Variants in PCCA observed in about 807,000 individuals in gnomAD.
PCCA encodes propionyl-CoA carboxylase subunit alpha.
PCCA carries 74 observed loss-of-function variants against 101.3 expected under a neutral mutation model. The observed-to-expected ratio is 0.73, with a 90% CI of 0.61 to 0.89. PCCA has a LOEUF of 0.89. Ranked by LOEUF, PCCA falls within the 40% of genes least tolerant of loss-of-function variation. PCCA has a pLI of 0.00. For synonymous variants in PCCA, 294 were observed against 313.6 expected, an observed-to-expected ratio of 0.94 and a Z score of 0.66; for missense variants, 891 against 907.0, an observed-to-expected ratio of 0.98 and a Z score of 0.23.
intron 4 of PCCA, among the ~76,000 whole-genome samples, chr13:100,140,823 TGTGGG>T (rs1262838321): frequency 6.6e-6 from 1 of 152,100 alleles, no homozygotes; most frequent in African/African-American, 2.4e-5. Flanking sequence ...AGAAAACAAA[TGTGGG>T]AAGGAATTAG....
At chr13:100,226,369 A>G (rs541030582) in intron 7 of PCCA, among the ~76,000 whole-genome samples, 24 of 152,266 alleles carry the variant, frequency 1.6e-4, no homozygotes, top group Admixed American at 1.6e-3. Context: ...TTTCATATGA[A>G]TGGGTAGCAG....
chr13:100,089,245 CGCGGGTCCGGGCTTCA>C lies in PCCA; in HGVS notation c.105+21_105+36del. ...CTGAAGGTGAGGAGCAACGGGGCCTCGCGGGTCCGGGCTTCACTGGGCTTCTAGCCGTGCCGCCTCT... is the reference window on the plus strand; with the variant it reads ...CTGAAGGTGAGGAGCAACGGGGCCTCCTGGGCTTCTAGCCGTGCCGCCTCT... On this transcript the variant is annotated intron_variant, in intron 1 of 23. Transcript: ENST00000376285. 6.7e-7 allele frequency: 1 copy of C among 1,481,838 alleles called. No homozygotes were observed. Among genetic ancestry groups the C allele is most frequent in the Non-Finnish European group, 9.0e-7 (1 of 1,114,162 alleles). The allele number at this position is 1,481,838 out of a possible 1,614,324, so 91.8% of individuals were successfully genotyped here. A position where few individuals can be genotyped will look rare whatever the true frequency, so the allele number is the denominator to read the frequency against.
chr13:100,503,749 T>A (rs111685782), intron 21 of PCCA, among the ~76,000 whole-genome samples: 1,828 of 151,438 alleles, frequency 0.012, 36 homozygotes, highest in African/African-American at 0.041. Context: ...ACAAAAAATT[T>A]AAAAAAAAAT....
At chr13:100,192,228 A>G (rs989412315) in intron 6 of PCCA, among the ~76,000 whole-genome samples, 2 of 152,190 alleles carry the variant, frequency 1.3e-5, no homozygotes, top group African/African-American at 4.8e-5. Flanking sequence ...AATTGCCATT[A>G]GTTTCCCAGA....
chr13:100,448,159 C>T (rs544133416), intron 20 of PCCA, among the ~76,000 whole-genome samples: 3 of 152,230 alleles, frequency 2.0e-5, no homozygotes, highest in East Asian at 1.9e-4. Flanking sequence ...CTGAGGAATA[C>T]GTTAGGATTA....
intron 4 of PCCA, among the ~76,000 whole-genome samples, chr13:100,116,998 T>C (rs759990981): frequency 2.0e-5 from 3 of 152,230 alleles, no homozygotes; most frequent in Admixed American, 6.5e-5. Flanking sequence ...TACATGCATG[T>C]TTAAATTTAT....
At chr13:100,202,319 G>A (rs528748038) in intron 6 of PCCA, among the ~76,000 whole-genome samples, 1 of 152,246 alleles carries the variant, frequency 6.6e-6, no homozygotes, top group East Asian at 1.9e-4. Context: ...GGGTAACAGA[G>A]CAAGACCCTG....
intron 19 of PCCA, among the ~76,000 whole-genome samples, chr13:100,389,540 G>A (rs1472543305): frequency 6.6e-6 from 1 of 152,154 alleles, no homozygotes; most frequent in East Asian, 1.9e-4. Flanking sequence ...ATACCTAGGT[G>A]ATGAAATAAT....
chr13:100,487,021 T>G (rs1259589539), intron 21 of PCCA, among the ~76,000 whole-genome samples: 2 of 152,232 alleles, frequency 1.3e-5, no homozygotes, highest in East Asian at 3.8e-4. Flanking sequence ...TGTTAGCATC[T>G]GATATTTTAT....
At chr13:100,438,105 G>GT (rs528550409) in intron 20 of PCCA, among the ~76,000 whole-genome samples, 398 of 144,826 alleles carry the variant, frequency 2.7e-3, no homozygotes, top group African/African-American at 6.1e-3. Context: ...GCACCATGTT[G>GT]TTTTTTTTTT....
At chr13:100,108,955 TA>T in intron 2 of PCCA, among the ~76,000 whole-genome samples, 1 of 152,342 alleles carries the variant, frequency 6.6e-6, no homozygotes, top group South Asian at 2.1e-4. Context: ...TTGATATGAT[TA>T]GTTTTATTGG....
intron 4 of PCCA, chr13:100,150,922 A>G: frequency 6.5e-7 from 1 of 1,546,436 alleles, no homozygotes; most frequent in Non-Finnish European, 8.9e-7. Context: ...ATATAACGTA[A>G]CCTTGCTTGG....
intron 19 of PCCA, among the ~76,000 whole-genome samples, chr13:100,397,977 T>C (rs2077131426): frequency 6.6e-6 from 1 of 152,230 alleles, no homozygotes; most frequent in Non-Finnish European, 1.5e-5. Context: ...GGCATAAGTC[T>C]CTTTAATCAT....
intron 6 of PCCA, among the ~76,000 whole-genome samples, chr13:100,199,729 T>G (rs1194960570): frequency 6.6e-6 from 1 of 152,242 alleles, no homozygotes; most frequent in African/African-American, 2.4e-5. Context: ...TAACATTTTT[T>G]TCATTAGTTA....
At chr13:100,146,575 A>C (rs1216078866) in intron 4 of PCCA, among the ~76,000 whole-genome samples, 2 of 127,706 alleles carry the variant, frequency 1.6e-5, no homozygotes, top group Non-Finnish European at 3.1e-5. Context: ...ACTCTGTCTC[A>C]AAAAAAAAAA....
chr13:100,275,033 C>T lies in PCCA; in HGVS notation c.1065+1687C>T, dbSNP rs76410649. On this transcript the variant is annotated intron_variant, in intron 12 of 23. Coordinates refer to ENST00000376285, the MANE Select transcript of PCCA (RefSeq NM_000282.4). ...CTGAAAACAGTGTCAACTCTTCTTCCGTTAGGCCCTTGGGGGAGGGGGTGG... is the reference window on the plus strand; with the variant it reads ...CTGAAAACAGTGTCAACTCTTCTTCTGTTAGGCCCTTGGGGGAGGGGGTGG... Among the ~76,000 whole-genome samples, 831 of 110,354 alleles carry T rather than the reference C, an allele frequency of 7.5e-3. 7 individuals carry two copies. Among genetic ancestry groups the T allele is most frequent in the African/African-American group, 0.028 (802 of 28,418 alleles). The allele number at this position is 110,354 out of a possible 152,430, so 72.4% of individuals were successfully genotyped here.
intron 19 of PCCA, among the ~76,000 whole-genome samples, chr13:100,382,365 C>A (rs1393386119): frequency 6.6e-6 from 1 of 152,104 alleles, no homozygotes; most frequent in Admixed American, 6.5e-5. Flanking sequence ...CTCCTCTCTG[C>A]TGATTGAGTC....
At chr13:100,144,235 C>T (rs2052261325) in intron 4 of PCCA, among the ~76,000 whole-genome samples, 1 of 152,142 alleles carries the variant, frequency 6.6e-6, no homozygotes, top group Non-Finnish European at 1.5e-5. Context: ...TTGTAATACT[C>T]ATCTGATAGT....
rs750996790 is a variant in PCCA at position 100,414,832 on chromosome 13, T to A, written c.1747-10801T>A. Among the ~76,000 whole-genome samples the A allele has an allele frequency of 3.6e-4, 55 of 152,282 alleles. 1 individual carries two copies. Among genetic ancestry groups the A allele is most frequent in the Middle Eastern group, 6.8e-3 (2 of 294 alleles). ...CTTTTTGTTAGCAGTAGTTAAATGA[T>A]AAGAACTAAAAAGAAGCAATAAACA... On this transcript the variant is annotated intron_variant, in intron 19 of 23. Transcript: ENST00000376285.
Sources: allele counts gnomAD v4.1 joint callset (sites outside exome capture counted in the v4.1 genomes callset), GRCh38; gene constraint gnomAD v4.1.1; transcripts MANE v1.5; gene names NCBI Gene and HGNC (gene_info 2026-07-23, HGNC 2026-07-21).